Variants in PTPRD observed in about 807,000 individuals in gnomAD.
The protein encoded by PTPRD is receptor-type tyrosine-protein phosphatase delta.
PTPRD carries 34 observed loss-of-function variants against 214.5 expected under a neutral mutation model. That is an observed-to-expected ratio of 0.16 (90% CI 0.12 to 0.21). The LOEUF (loss-of-function observed/expected upper bound fraction) is 0.21, where lower values mean the gene tolerates loss of function less well. Ranked by LOEUF, PTPRD falls within the 10% of genes least tolerant of loss-of-function variation. PTPRD has a pLI of 1.00. For synonymous variants in PTPRD, 1,128 were observed against 845.7 expected (o/e 1.33, Z -5.79); for missense variants, 2,545 against 2,398.7 (o/e 1.06, Z -1.27).
At chr9:9,404,629 T>C (rs2072498728) in intron 8 of PTPRD, among the ~76,000 whole-genome samples, 1 of 152,068 alleles carries the variant, frequency 6.6e-6, no homozygotes, top group Non-Finnish European at 1.5e-5. Flanking sequence ...AAGTGGGACA[T>C]ATATTAGATA....
At chr9:8,862,131 C>G (rs1371688392) in intron 11 of PTPRD, 1 of 152,212 alleles carries the variant, frequency 6.6e-6, no homozygotes, top group Non-Finnish European at 1.5e-5. Flanking sequence ...CCAAGGCAGG[C>G]AGATCACTTG....
At chr9:9,014,220 G>T (rs2099524772) in intron 11 of PTPRD, among the ~76,000 whole-genome samples, 1 of 134,674 alleles carries the variant, frequency 7.4e-6, no homozygotes, top group African/African-American at 2.8e-5. Flanking sequence ...TTTTCTGGAA[G>T]CATTTATTTG....
intron 2 of PTPRD, among the ~76,000 whole-genome samples, chr9:10,542,753 T>C (rs1425695000): frequency 1.3e-5 from 2 of 152,048 alleles, no homozygotes; most frequent in African/African-American, 4.8e-5. Context: ...AGTTTCACTC[T>C]TGTTGCCCAG....
At chr9:10,115,296 G>C (rs1336625910) in intron 3 of PTPRD, among the ~76,000 whole-genome samples, 1 of 152,022 alleles carries the variant, frequency 6.6e-6, no homozygotes, top group African/African-American at 2.4e-5. Flanking sequence ...TTCTGATTAA[G>C]TATGATACAT....
At chr9:8,916,051 G>A (rs1244161466) in intron 11 of PTPRD, among the ~76,000 whole-genome samples, 1 of 152,142 alleles carries the variant, frequency 6.6e-6, no homozygotes, top group African/African-American at 2.4e-5. Context: ...GAACACTAAG[G>A]AAGCCCAAGG....
At chr9:8,733,493 G>C (rs1324243363) in intron 12 of PTPRD, among the ~76,000 whole-genome samples, 1 of 152,032 alleles carries the variant, frequency 6.6e-6, no homozygotes, top group African/African-American at 2.4e-5. Context: ...TATATCCTTG[G>C]TCTCATAATA....
At chr9:8,360,503 C>T (rs2078206634) in intron 39 of PTPRD, among the ~76,000 whole-genome samples, 1 of 152,162 alleles carries the variant, frequency 6.6e-6, no homozygotes, top group South Asian at 2.1e-4. Context: ...CAAGTCTAAA[C>T]TGAACATATA....
At chr9:9,281,751 T>G (rs1947771912) in intron 9 of PTPRD, among the ~76,000 whole-genome samples, 1 of 151,276 alleles carries the variant, frequency 6.6e-6, no homozygotes, top group East Asian at 2.0e-4. Flanking sequence ...TCCTTTGTAT[T>G]TACTCAAGTA....
chr9:10,157,033 G>C (rs2099097827), intron 3 of PTPRD, among the ~76,000 whole-genome samples: 1 of 152,136 alleles, frequency 6.6e-6, no homozygotes, highest in Non-Finnish European at 1.5e-5. Context: ...CACTGGCTTT[G>C]AGAAGGGTCT....
At chr9:10,549,767 T>C (rs1427925014) in intron 2 of PTPRD, among the ~76,000 whole-genome samples, 1 of 152,194 alleles carries the variant, frequency 6.6e-6, no homozygotes, top group Non-Finnish European at 1.5e-5. Context: ...CTGATAATTC[T>C]TGGGAGTATT....
At chr9:8,744,063 G>A (rs1199269705) in intron 11 of PTPRD, among the ~76,000 whole-genome samples, 2 of 151,952 alleles carry the variant, frequency 1.3e-5, no homozygotes, top group African/African-American at 4.8e-5. Context: ...GATCACTAAT[G>A]ATCAGAGAAA....
At chr9:10,210,917 A>G (rs2099514244) in intron 3 of PTPRD, among the ~76,000 whole-genome samples, 1 of 149,722 alleles carries the variant, frequency 6.7e-6, no homozygotes, top group African/African-American at 2.4e-5. Context: ...AGCTGATGCT[A>G]AACAAAGTAA....
intron 10 of PTPRD, among the ~76,000 whole-genome samples, chr9:9,052,531 G>T (rs1461863003): frequency 1.3e-5 from 2 of 152,096 alleles, no homozygotes; most frequent in African/African-American, 4.8e-5. Context: ...ACACTGAAAG[G>T]TATGTTAGTG....
intron 3 of PTPRD, among the ~76,000 whole-genome samples, chr9:10,273,996 G>T (rs2094549988): frequency 6.6e-6 from 1 of 152,022 alleles, no homozygotes; most frequent in South Asian, 2.1e-4. Flanking sequence ...TCACAAGATG[G>T]ACATACTACT....
intron 21 of PTPRD, among the ~76,000 whole-genome samples, chr9:8,507,852 ACT>A (rs1405687212): frequency 1.3e-5 from 2 of 152,218 alleles, no homozygotes; most frequent in African/African-American, 4.8e-5. Flanking sequence ...ACTCTCTAGC[ACT>A]ACATGTAACA....
Position 9,779,078 on chromosome 9 carries a change from C to CCA in PTPRD, c.-367-12228_-367-12227insTG, listed in dbSNP as rs1282567404. On this transcript the variant is annotated intron_variant, in intron 5 of 45. Coordinates refer to ENST00000381196, the MANE Select transcript of PTPRD (RefSeq NM_002839.4). The stretch of plus-strand genomic sequence containing the variant: ...GCCATGTGATCTTTCATAAGACTGA[C>CCA]AAAAAAAAAAAAAAAAAAAAAAAAA... 8.6e-3 allele frequency among the ~76,000 whole-genome samples: 393 copies of CCA among 45,474 alleles called. 11 individuals are homozygous for CCA. Among genetic ancestry groups the CCA allele is most frequent in the South Asian group, 0.031 (28 of 908 alleles). The allele number at this position is 45,474 out of a possible 152,430, so 29.8% of individuals were successfully genotyped here. A position where few individuals can be genotyped will look rare whatever the true frequency, so the allele number is the denominator to read the frequency against.
intron 44 of PTPRD, among the ~76,000 whole-genome samples, chr9:8,323,628 G>C (rs1044475047): frequency 6.6e-6 from 1 of 152,146 alleles, no homozygotes; most frequent in Admixed American, 6.6e-5. Context: ...ACTAGAACTA[G>C]AAGTGGAGCC....
intron 11 of PTPRD, among the ~76,000 whole-genome samples, 193 bp from the exon 12 acceptor site, chr9:8,734,139 T>TA (rs1334121495): frequency 6.6e-6 from 1 of 152,206 alleles, no homozygotes; most frequent in Non-Finnish European, 1.5e-5. Flanking sequence ...GTAGGAGTCT[T>TA]AGACTATCCG....
At chr9:10,597,439 C>T (rs537777201) in intron 2 of PTPRD, among the ~76,000 whole-genome samples, 1 of 151,820 alleles carries the variant, frequency 6.6e-6, no homozygotes, top group African/African-American at 2.4e-5. Flanking sequence ...AATGATTCAC[C>T]ATTTGACTCC....
Sources: allele counts gnomAD v4.1 joint callset (sites outside exome capture counted in the v4.1 genomes callset), GRCh38; gene constraint gnomAD v4.1.1; transcripts MANE v1.5; gene names NCBI Gene and HGNC (gene_info 2026-07-23, HGNC 2026-07-21).